Variants in PSMD12 observed in about 807,000 individuals in gnomAD.
The protein encoded by PSMD12 is proteasome 26S subunit, non-ATPase 12.
Under a neutral mutation model 62.9 loss-of-function variants are expected in PSMD12, and 8 were observed. The ratio of observed to expected loss-of-function variants is 0.13; its 90% CI spans 0.07 to 0.23. PSMD12 has a LOEUF of 0.23. Among genes scored for constraint, PSMD12 ranks in the 10% least tolerant of loss-of-function variants. The pLI is 1.00. For missense variants in PSMD12, 424 were observed against 550.2 expected (o/e 0.77, Z 2.29); for synonymous variants, 173 against 187.4 (o/e 0.92, Z 0.63).
At chr17:67,351,254 T>C (rs973273518) in intron 3 of PSMD12, among the ~76,000 whole-genome samples, 1 of 151,836 alleles carries the variant, frequency 6.6e-6, no homozygotes, top group South Asian at 2.1e-4. Context: ...TAACCAGGCG[T>C]GGTGGCGGAT....
In PSMD12 at chr17:67,358,567, C is replaced by CAAAAAAAAAAAAAAAAAAAAAAAAAAAA. The variant is rs398039153; in HGVS notation, c.109-990_109-989insTTTTTTTTTTTTTTTTTTTTTTTTTTTT. On this transcript the variant is annotated intron_variant, in intron 1 of 10. Transcript: ENST00000356126. ...TGGGCGACAGAGTGAGAACCTGTCT[C>CAAAAAAAAAAAAAAAAAAAAAAAAAAAA]AAAAAAAAAAAAAAAAAAAGAAAAG... Among the ~76,000 whole-genome samples, 63 of 74,006 alleles carry CAAAAAAAAAAAAAAAAAAAAAAAAAAAA rather than the reference C, an allele frequency of 8.5e-4. 2 individuals carry two copies. The highest frequency in any genetic ancestry group is 1.5e-3 in the East Asian group (3 of 2,062). The allele number at this position is 74,006 out of a possible 152,430, so 48.6% of individuals were successfully genotyped here.
intron 3 of PSMD12, among the ~76,000 whole-genome samples, chr17:67,356,006 ACACG>A (rs1327082401): frequency 9.3e-4 from 139 of 149,380 alleles, no homozygotes; most frequent in African/African-American, 3.1e-3. Flanking sequence ...ACACACACAC[ACACG>A]CACACACACA....
intron 1 of PSMD12, among the ~76,000 whole-genome samples, chr17:67,364,011 T>C (rs936359650): frequency 6.6e-6 from 1 of 151,924 alleles, no homozygotes; most frequent in African/African-American, 2.4e-5. Flanking sequence ...ACCGCGCCAC[T>C]GCACTCCAGC....
intron 3 of PSMD12, among the ~76,000 whole-genome samples, chr17:67,356,992 AGAGT>A (rs1398036689): frequency 6.6e-6 from 1 of 152,188 alleles, no homozygotes; most frequent in Admixed American, 6.5e-5. Flanking sequence ...CCTGGGTGAC[AGAGT>A]GAGACCCTGT....
chr17:67,364,778 G>T (rs1433446105), intron 1 of PSMD12, among the ~76,000 whole-genome samples: 1 of 152,030 alleles, frequency 6.6e-6, no homozygotes, highest in Admixed American at 6.6e-5. Context: ...CATCTTCCTG[G>T]TTTCTCCCTC....
Position 67,339,434 on chromosome 17 carries a change from G to C in PSMD12, c.*1409C>G, listed in dbSNP as rs1018194254. The C allele has an allele frequency of 2.0e-5, 3 of 152,182 alleles. No homozygotes were observed. Among genetic ancestry groups the C allele is most frequent in the African/African-American group, 7.2e-5 (3 of 41,444 alleles). 9.4% of individuals were successfully genotyped at this position (152,182 alleles called of 1,614,324 possible). ...AGTTTTAAAAAGATAAGTGATAGCA[G>C]ATGTTGATGTTATTAGTGTGACCAA... On this transcript the variant is annotated 3_prime_UTR_variant, in exon 11 of 11. Coordinates refer to ENST00000356126, the MANE Select transcript of PSMD12 (RefSeq NM_002816.5).
intron 10 of PSMD12, among the ~76,000 whole-genome samples, chr17:67,341,943 C>A (rs1459091944): frequency 6.6e-6 from 1 of 152,204 alleles, no homozygotes; most frequent in Admixed American, 6.5e-5. Context: ...TGGGTTAACT[C>A]CTCTTTGTGT....
At chr17:67,358,582 A>AAAAG (rs1555642166) in intron 1 of PSMD12, among the ~76,000 whole-genome samples, 171 of 150,200 alleles carry the variant, frequency 1.1e-3, no homozygotes, top group African/African-American at 3.6e-3. Flanking sequence ...AAAAAAAAAA[A>AAAAG]AAAAGAAAAG....
At chr17:67,350,715 G>A (rs2143704274) in intron 3 of PSMD12, among the ~76,000 whole-genome samples, 1 of 152,262 alleles carries the variant, frequency 6.6e-6, no homozygotes, top group East Asian at 1.9e-4. Flanking sequence ...CCACCCGGGT[G>A]GGAGGAAGAG....
At chr17:67,350,182 G>GA (rs769405447) in intron 4 of PSMD12, 47 bp downstream of exon 4, 24 of 1,306,524 alleles carry the variant, frequency 1.8e-5, no homozygotes, top group Non-Finnish European at 2.3e-5. Context: ...TCTGAATACA[G>GA]AAAAAACAGT....
At chr17:67,357,495 A>G in intron 2 of PSMD12, 24 bp downstream of exon 2, 2 of 1,613,210 alleles carry the variant, frequency 1.2e-6, no homozygotes, top group Non-Finnish European at 1.7e-6. Context: ...ATGGTAACTG[A>G]GCTTTCCCCT....
chr17:67,338,345 A>G lies in PSMD12; in HGVS notation c.*2498T>C, dbSNP rs1003670243. 2 of 152,236 alleles carry G rather than the reference A, an allele frequency of 1.3e-5. No homozygotes were observed. Among genetic ancestry groups the G allele is most frequent in the South Asian group, 2.1e-4 (1 of 4,834 alleles). 9.4% of individuals were successfully genotyped at this position (152,236 alleles called of 1,614,324 possible). ...TTAATTGAGGTTCCGAACAACTCAA[A>G]TATTTCACTATTGTACTTTATGCTA... On this transcript the variant is annotated 3_prime_UTR_variant, in exon 11 of 11. Coordinates refer to ENST00000356126, the MANE Select transcript of PSMD12 (RefSeq NM_002816.5).
chr17:67,360,442 C>T (rs1440217434), intron 1 of PSMD12, among the ~76,000 whole-genome samples: 2 of 152,202 alleles, frequency 1.3e-5, no homozygotes, highest in African/African-American at 4.8e-5. Context: ...GTACCTCTTC[C>T]TTTCATACTC....
intron 9 of PSMD12, among the ~76,000 whole-genome samples, chr17:67,343,221 C>G (rs1032296106): frequency 2.0e-5 from 3 of 152,180 alleles, no homozygotes; most frequent in Non-Finnish European, 4.4e-5. Context: ...ACCAACACAT[C>G]AGAAAGCACG....
chr17:67,366,125 T>C (rs535510747), intron 1 of PSMD12, among the ~76,000 whole-genome samples: 5 of 152,170 alleles, frequency 3.3e-5, no homozygotes, highest in Admixed American at 1.3e-4. Flanking sequence ...AAGGTAAATA[T>C]CACTTAAACA....
Position 67,340,885 on chromosome 17 carries a change from C to A in PSMD12, c.1329G>T (p.Thr443=). The A allele has an allele frequency of 6.3e-7, 1 of 1,592,484 alleles. No individual in the cohort carries two copies. Among genetic ancestry groups the A allele is most frequent in the African/African-American group, 1.4e-5 (1 of 73,334 alleles). The stretch of plus-strand genomic sequence containing the variant: ...TCATCTCCTCTTTGGCTATGAGATG[C>A]GTAGTTTTGTTAACCAGAGACATTA... ...NSLMSLVNKT[T]HLIAKEEMIH... The change falls in exon 11 of 11, where the codon ACG becomes ACT. Residue 443 remains threonine (T), a synonymous_variant. Transcript: ENST00000356126.
intron 3 of PSMD12, among the ~76,000 whole-genome samples, chr17:67,354,861 A>G (rs1402719330): frequency 6.6e-6 from 1 of 152,034 alleles, no homozygotes; most frequent in East Asian, 1.9e-4. Flanking sequence ...GTGGTGGCAC[A>G]TGCCTGTAAT....
At position 67,366,414 on chromosome 17, in the gene PSMD12, T is replaced by C; in HGVS notation, c.106A>G (p.Lys36Glu). ...QRLPECAKLA[K>E]EGRLQEVIET... Reference sequence around the variant, plus strand: ...ACAGCCAGCCGGCCTCTCCTCACCTTGGCTAGCTTCGCACACTCGGGTAGG... The same window carrying C: ...ACAGCCAGCCGGCCTCTCCTCACCTCGGCTAGCTTCGCACACTCGGGTAGG... Residue 36 changes from lysine to glutamate, a missense_variant and splice_region_variant, in exon 1 of 11, where the codon AAG (lysine) becomes GAG (glutamate). Transcript: ENST00000356126. 1.2e-6 allele frequency: 2 copies of C among 1,610,230 alleles called. No homozygotes were observed. The highest frequency in any genetic ancestry group is 1.7e-6 in the Non-Finnish European group (2 of 1,177,652).
chr17:67,354,877 C>T (rs1004625154), intron 3 of PSMD12, among the ~76,000 whole-genome samples: 2 of 152,024 alleles, frequency 1.3e-5, no homozygotes, highest in Non-Finnish European at 2.9e-5. Flanking sequence ...GTAATCTCAG[C>T]TACTTGGGAG....
Sources: allele counts gnomAD v4.1 joint callset (sites outside exome capture counted in the v4.1 genomes callset), GRCh38; gene constraint gnomAD v4.1.1; transcripts MANE v1.5; gene names NCBI Gene and HGNC (gene_info 2026-07-23, HGNC 2026-07-21).